Variants in FBXO17 observed in about 807,000 individuals in gnomAD.
FBXO17 encodes F-box only protein 17.
Under a neutral mutation model 34.1 loss-of-function variants are expected in FBXO17, and 43 were observed. That is an observed-to-expected ratio of 1.26 (90% confidence interval 0.99 to 1.62). FBXO17 has a LOEUF of 1.62. FBXO17 is among the 40% of genes most tolerant of loss of function. The pLI is 0.00. For missense variants in FBXO17, 424 were observed against 386.7 expected (o/e 1.10, Z -0.81); for synonymous variants, 169 against 166.0 (o/e 1.02, Z -0.14).
At position 38,950,212 on chromosome 19, in the gene FBXO17, G is replaced by T. The variant is rs760801311; in HGVS notation, c.108C>A (p.Arg36=). Residue 36 remains arginine (R), a synonymous_variant, in exon 2 of 6, where the codon CGC becomes CGA. Transcript: ENST00000292852. ...LVQVLSHVPP[R]SLVTRCRPVC... is the part of the protein sequence containing the mutation. ...CTGGGCGGCATCGCGTGACCAAGGA[G>T]CGTGGCGGCACGTGGCTCAGCACCT... 1.0e-5 allele frequency: 16 copies of T among 1,548,456 alleles called. No homozygotes were observed. The highest frequency in any genetic ancestry group is 9.5e-6 in the Non-Finnish European group (11 of 1,154,642).
In FBXO17 at chr19:38,948,566, C is replaced by G; in HGVS notation, c.461+1G>C. The G allele has an allele frequency of 6.2e-7, 1 of 1,613,372 alleles. No homozygotes were observed. On this transcript the variant is annotated splice_donor_variant, in intron 3 of 5. Coordinates refer to ENST00000292852, the MANE Select transcript of FBXO17 (RefSeq NM_024907.7). LOFTEE classifies it high-confidence loss of function. ...CGGGGCCTCTCACTTGGGCCACTCA[C>G]TCGAAAGAGGTCACGAAGCAGGTCT... is the stretch of plus-strand genomic sequence containing the variant.
rs75307108 is a variant in FBXO17, at chr19:38,969,128, G to A, written c.-18+6458C>T. On this transcript the variant is annotated intron_variant, in intron 1 of 5. Coordinates refer to ENST00000292852, the MANE Select transcript of FBXO17 (RefSeq NM_024907.7). Reference sequence around the variant, plus strand: ...CTTAAATATGGAAACAGAACAGACTGTAGATGTTTCCACCTTGACAATGTA... The same window carrying A: ...CTTAAATATGGAAACAGAACAGACTATAGATGTTTCCACCTTGACAATGTA... 4.7e-3 allele frequency among the ~76,000 whole-genome samples: 720 copies of A among 152,270 alleles called. 8 individuals are homozygous for A. Among genetic ancestry groups the A allele is most frequent in the African/African-American group, 0.017 (691 of 41,558 alleles).
At chr19:38,947,535 C>T (rs1854531136) in intron 3 of FBXO17, 2 of 151,902 alleles carry the variant, frequency 1.3e-5, no homozygotes, top group African/African-American at 4.8e-5. Context: ...TGCAGTGAGC[C>T]AAGATTGCGC....
intron 1 of FBXO17, among the ~76,000 whole-genome samples, chr19:38,972,576 G>A (rs577995044): frequency 1.3e-5 from 2 of 150,928 alleles, no homozygotes; most frequent in African/African-American, 4.8e-5. Flanking sequence ...GCTGGGATTT[G>A]AATCTTGGTA....
At chr19:38,970,752 C>T (rs911410922) in intron 1 of FBXO17, among the ~76,000 whole-genome samples, 4 of 152,074 alleles carry the variant, frequency 2.6e-5, no homozygotes, top group Admixed American at 6.6e-5. Context: ...TGCTCCTCAG[C>T]CCTACTAGGG....
intron 1 of FBXO17, among the ~76,000 whole-genome samples, chr19:38,974,578 C>A (rs1254928817): frequency 6.6e-6 from 1 of 152,030 alleles, no homozygotes; most frequent in African/African-American, 2.4e-5. Context: ...AGGAAAACCA[C>A]GGAGATGATC....
Position 38,949,962 on chromosome 19 carries a change from G to A in FBXO17, c.349+9C>T. ...CCTCAGCCTCCTGGGCCCCGCCCCC[G>A]TCACCCACGCTCTCCGCAGGAGTTG... On this transcript the variant is annotated intron_variant, in intron 2 of 5. Coordinates refer to ENST00000292852, the MANE Select transcript of FBXO17 (RefSeq NM_024907.7). 1.4e-6 allele frequency: 2 copies of A among 1,436,850 alleles called. No homozygotes were observed. The highest frequency in any genetic ancestry group is 2.8e-5 in the South Asian group (2 of 70,398). 89.0% of individuals were successfully genotyped at this position (1,436,850 alleles called of 1,614,324 possible).
intron 1 of FBXO17, among the ~76,000 whole-genome samples, chr19:38,957,427 A>G (rs1975181684): frequency 6.8e-6 from 1 of 146,994 alleles, no homozygotes; most frequent in Non-Finnish European, 1.5e-5. Context: ...GCTCACTGCA[A>G]CCTCCGCCTC....
intron 1 of FBXO17, among the ~76,000 whole-genome samples, chr19:38,970,558 C>G (rs1463508333): frequency 6.6e-6 from 1 of 152,106 alleles, no homozygotes; most frequent in East Asian, 1.9e-4. Flanking sequence ...GGGAAATATG[C>G]AGGTCCACAT....
At chr19:38,943,895 T>C (rs1318510199) in intron 5 of FBXO17, among the ~76,000 whole-genome samples, 2 of 152,148 alleles carry the variant, frequency 1.3e-5, no homozygotes, top group East Asian at 1.9e-4. Flanking sequence ...CGGCCCAAAA[T>C]TCATTTTTTA....
chr19:38,944,256 C>CATTATTATTATTATTATTATTATTATT (rs55839664), intron 5 of FBXO17, among the ~76,000 whole-genome samples: 28 of 146,560 alleles, frequency 1.9e-4, no homozygotes, highest in East Asian at 1.0e-3. Context: ...TGATCTGACT[C>CATTATTATTATTATTATTATTATTATT]ATTATTATTA....
At position 38,949,980 on chromosome 19, in the gene FBXO17, A is replaced by G. The variant is rs750419287; in HGVS notation, c.340T>C (p.Cys114Arg). 4.9e-5 allele frequency: 75 copies of G among 1,534,430 alleles called. No individual in the cohort carries two copies. The highest frequency in any genetic ancestry group is 9.7e-5 in the South Asian group (8 of 82,728). The change falls in exon 2 of 6, where the codon TGC becomes CGC. Residue 114 changes from cysteine to arginine, a missense_variant. By Grantham distance (180) the Cys-to-Arg change is radical (BLOSUM62 -3). Transcript: ENST00000292852. ...CGCCCCCGTCACCCACGCTCTCCGCAGGAGTTGAAGATGAGATTGCGGCCG... is the reference window on the plus strand; with the variant it reads ...CGCCCCCGTCACCCACGCTCTCCGCGGGAGTTGAAGATGAGATTGCGGCCG... ...PFGRNLIFNS[C>R]GEQGFRGWEV... is the part of the protein sequence containing the mutation.
chr19:38,951,012 G>A (rs1188922102), intron 1 of FBXO17, among the ~76,000 whole-genome samples: 2 of 151,896 alleles, frequency 1.3e-5, no homozygotes, highest in African/African-American at 2.4e-5. Flanking sequence ...GGCTGGTCTC[G>A]AACTCCTGAC....
intron 5 of FBXO17, among the ~76,000 whole-genome samples, chr19:38,944,341 C>T (rs1377531943): frequency 1.3e-5 from 2 of 151,840 alleles, no homozygotes; most frequent in Non-Finnish European, 2.9e-5. Context: ...CAACTGGGCT[C>T]CAACCATCCT....
chr19:38,954,253 A>C (rs1043176675), intron 1 of FBXO17, among the ~76,000 whole-genome samples: 3 of 152,078 alleles, frequency 2.0e-5, no homozygotes, highest in African/African-American at 7.2e-5. Context: ...GGGTGTGTGC[A>C]GAGAATGTGT....
At chr19:38,965,570 G>C (rs1248985391) in intron 1 of FBXO17, among the ~76,000 whole-genome samples, 1 of 151,908 alleles carries the variant, frequency 6.6e-6, no homozygotes, top group Non-Finnish European at 1.5e-5. Context: ...GCAACAGAAT[G>C]ATCTCAGCTC....
intron 5 of FBXO17, among the ~76,000 whole-genome samples, chr19:38,943,161 G>C (rs1251151616): frequency 1.3e-5 from 2 of 152,036 alleles, no homozygotes; most frequent in Admixed American, 1.3e-4. Flanking sequence ...TAAGAGAGGG[G>C]TCAGGGAGGT....
intron 1 of FBXO17, among the ~76,000 whole-genome samples, chr19:38,974,544 C>G (rs1975436571): frequency 6.6e-6 from 1 of 151,894 alleles, no homozygotes; most frequent in Non-Finnish European, 1.5e-5. Context: ...CCTGACTATA[C>G]AGGGAGGTGA....
chr19:38,945,249 T>G, intron 4 of FBXO17, 145 bp from the exon 5 acceptor site: 7 of 1,079,186 alleles, frequency 6.5e-6, no homozygotes, highest in Non-Finnish European at 7.9e-6. Context: ...TGGGAACCTC[T>G]AGGGGAGGAG....
Sources: allele counts gnomAD v4.1 joint callset (sites outside exome capture counted in the v4.1 genomes callset), GRCh38; gene constraint gnomAD v4.1.1; transcripts MANE v1.5; gene names NCBI Gene and HGNC (gene_info 2026-07-23, HGNC 2026-07-21).